Variants in EPHA6 observed in about 807,000 individuals in gnomAD.
EPHA6 encodes the protein EPH receptor A6, also known as ephrin type-A receptor 6.
In EPHA6, 50 loss-of-function variants were observed where a neutral mutation model predicts 112.0. The observed-to-expected ratio is 0.45, with a 90% CI of 0.36 to 0.56. EPHA6 has a LOEUF of 0.56. EPHA6 is among the 20% of genes least tolerant of loss of function. EPHA6 has a pLI of 0.00. For missense variants in EPHA6, 1,280 were observed against 1,417.4 expected (o/e 0.90, Z 1.56); for synonymous variants, 529 against 490.7 (o/e 1.08, Z -1.03).
At chr3:96,928,124 G>A (rs2040134194) in intron 2 of EPHA6, among the ~76,000 whole-genome samples, 1 of 152,198 alleles carries the variant, frequency 6.6e-6, no homozygotes, top group East Asian at 1.9e-4. Context: ...CCCTGGACAT[G>A]TGGAGATTAT....
chr3:97,634,912 A>C (rs2093932884), intron 13 of EPHA6, among the ~76,000 whole-genome samples: 1 of 151,124 alleles, frequency 6.6e-6, no homozygotes, highest in African/African-American at 2.4e-5. Flanking sequence ...TTACTGCTTC[A>C]CCAAGGACAT....
At chr3:96,968,531 C>A (rs533552608) in intron 2 of EPHA6, among the ~76,000 whole-genome samples, 50 of 151,708 alleles carry the variant, frequency 3.3e-4, no homozygotes, top group African/African-American at 1.2e-3. Context: ...TGAGAATTAA[C>A]ATTTAATCAT....
At chr3:97,643,401 A>G (rs1004176825) in intron 14 of EPHA6, among the ~76,000 whole-genome samples, 5 of 152,206 alleles carry the variant, frequency 3.3e-5, no homozygotes, top group African/African-American at 1.2e-4. Context: ...CAAAATCACC[A>G]GCTAACATCA....
At chr3:97,426,148 C>A (rs1329243196) in intron 6 of EPHA6, among the ~76,000 whole-genome samples, 2 of 152,200 alleles carry the variant, frequency 1.3e-5, no homozygotes, top group Non-Finnish European at 2.9e-5. Flanking sequence ...CATCACCCCA[C>A]TACCCCATAC....
At chr3:96,850,592 C>G (rs943955342) in intron 1 of EPHA6, among the ~76,000 whole-genome samples, 2 of 152,100 alleles carry the variant, frequency 1.3e-5, no homozygotes, top group African/African-American at 4.8e-5. Flanking sequence ...TCCAGTTCAC[C>G]CATCTCACTG....
At chr3:97,545,430 C>G (rs531694457) in intron 11 of EPHA6, among the ~76,000 whole-genome samples, 14 of 152,082 alleles carry the variant, frequency 9.2e-5, no homozygotes, top group African/African-American at 3.4e-4. Context: ...GTCTGAGAGA[C>G]AGTTTGTTGT....
At chr3:97,537,273 G>A (rs1439050178) in intron 11 of EPHA6, among the ~76,000 whole-genome samples, 2 of 152,010 alleles carry the variant, frequency 1.3e-5, no homozygotes, top group Non-Finnish European at 2.9e-5. Flanking sequence ...TACCCCTGAG[G>A]TTCAGCTCCT....
chr3:96,950,333 G>C (rs772390326), intron 2 of EPHA6, among the ~76,000 whole-genome samples: 2 of 152,052 alleles, frequency 1.3e-5, no homozygotes, highest in Non-Finnish European at 2.9e-5. Flanking sequence ...CACCTATAAA[G>C]TGTAGGACCT....
intron 6 of EPHA6, among the ~76,000 whole-genome samples, chr3:97,424,562 G>T (rs2088945477): frequency 6.6e-6 from 1 of 152,042 alleles, no homozygotes; most frequent in Non-Finnish European, 1.5e-5. Context: ...CCAGCATTTT[G>T]GAAGGCCAAG....
At chr3:97,139,873 T>C (rs191408304) in intron 3 of EPHA6, among the ~76,000 whole-genome samples, 101 of 151,760 alleles carry the variant, frequency 6.7e-4, no homozygotes, top group South Asian at 4.6e-3. Context: ...CAAATATGAA[T>C]TGTAAGGAAG....
intron 15 of EPHA6, among the ~76,000 whole-genome samples, chr3:97,720,727 GT>G (rs2034490177): frequency 6.6e-6 from 1 of 152,148 alleles, no homozygotes; most frequent in Non-Finnish European, 1.5e-5. Context: ...AAAGAGTAAT[GT>G]TTACTTTTCG....
At chr3:97,504,204 A>C (rs2107565806) in intron 10 of EPHA6, among the ~76,000 whole-genome samples, 1 of 152,330 alleles carries the variant, frequency 6.6e-6, no homozygotes, top group Non-Finnish European at 1.5e-5. Context: ...ACAATGTAGC[A>C]GTCTCTCATT....
At chr3:97,669,867 C>T (rs1218401162) in intron 14 of EPHA6, among the ~76,000 whole-genome samples, 1 of 152,152 alleles carries the variant, frequency 6.6e-6, no homozygotes, top group Non-Finnish European at 1.5e-5. Flanking sequence ...CTCAATTATT[C>T]AGGTGTGAAT....
chr3:96,960,404 G>A (rs1268842498), intron 2 of EPHA6, among the ~76,000 whole-genome samples: 1 of 152,096 alleles, frequency 6.6e-6, no homozygotes, highest in Non-Finnish European at 1.5e-5. Flanking sequence ...TTGGCTTCCC[G>A]TTTTGCCACT....
intron 3 of EPHA6, among the ~76,000 whole-genome samples, chr3:97,172,527 T>C (rs1336140644): frequency 6.6e-6 from 1 of 152,000 alleles, no homozygotes; most frequent in Non-Finnish European, 1.5e-5. Context: ...ATAGAGGAAA[T>C]ATGAAATGCT....
At chr3:97,115,910 A>G (rs1027687932) in intron 3 of EPHA6, among the ~76,000 whole-genome samples, 1 of 151,796 alleles carries the variant, frequency 6.6e-6, no homozygotes, top group Non-Finnish European at 1.5e-5. Context: ...TCACCCTTAT[A>G]TTGCCTAACT....
intron 5 of EPHA6, among the ~76,000 whole-genome samples, chr3:97,391,864 T>C (rs2086417908): frequency 6.6e-6 from 1 of 151,908 alleles, no homozygotes; most frequent in African/African-American, 2.4e-5. Flanking sequence ...TATTCATGGG[T>C]TGTTTCACAG....
At chr3:97,469,202 C>G (rs1369860085) in intron 7 of EPHA6, among the ~76,000 whole-genome samples, 1 of 151,668 alleles carries the variant, frequency 6.6e-6, no homozygotes, top group South Asian at 2.1e-4. Flanking sequence ...AAACTCCTGG[C>G]TCCTGACTAG....
chr3:97,267,752 CAAG>C (rs1223250766), intron 5 of EPHA6, among the ~76,000 whole-genome samples: 1 of 151,968 alleles, frequency 6.6e-6, no homozygotes, highest in African/African-American at 2.4e-5. Context: ...ATTCTAGGCC[CAAG>C]AAGGAGTTGT....
Sources: gnomAD v4.1 joint callset for allele counts (sites outside exome capture counted in the v4.1 genomes callset) on GRCh38, gnomAD v4.1.1 for gene constraint, MANE v1.5 for transcripts, NCBI Gene and HGNC (gene_info 2026-07-23, HGNC 2026-07-21) for gene names.